GSTCD: variants seen among roughly 807,000 people sequenced by gnomAD.
GSTCD encodes glutathione S-transferase C-terminal domain-containing protein.
In GSTCD, 44 loss-of-function variants were observed where a neutral mutation model predicts 68.3. That is an observed-to-expected ratio of 0.64 (90% CI 0.51 to 0.83). The LOEUF (loss-of-function observed/expected upper bound fraction) is 0.83, where lower values mean the gene tolerates loss of function less well. Among genes scored for constraint, GSTCD ranks in the 40% least tolerant of loss-of-function variants. GSTCD has a pLI of 0.00. For synonymous variants in GSTCD, 273 were observed against 255.2 expected (o/e 1.07, Z -0.67); for missense variants, 739 against 735.9 (o/e 1.00, Z -0.05).
intron 5 of GSTCD, among the ~76,000 whole-genome samples, chr4:105,774,430 A>C (rs1734975127): frequency 6.6e-6 from 1 of 152,178 alleles, no homozygotes. Flanking sequence ...TAGTTGATTC[A>C]ATTTCTTCAT....
intron 8 of GSTCD, among the ~76,000 whole-genome samples, chr4:105,829,094 G>A (rs56924509): frequency 0.029 from 4,392 of 150,888 alleles, 188 homozygotes; most frequent in African/African-American, 0.093. Flanking sequence ...CAGAAACCAG[G>A]ATCATTTCCA....
chr4:105,791,456 G>C (rs527518173), intron 5 of GSTCD, among the ~76,000 whole-genome samples: 14 of 151,398 alleles, frequency 9.2e-5, no homozygotes, highest in Non-Finnish European at 1.8e-4. Context: ...TTTGGTTGTT[G>C]ATGAGTAAAA....
At chr4:105,764,541 C>A (rs1340159928) in intron 5 of GSTCD, among the ~76,000 whole-genome samples, 1 of 152,164 alleles carries the variant, frequency 6.6e-6, no homozygotes, top group African/African-American at 2.4e-5. Flanking sequence ...TGCTTTCTGG[C>A]GAGGCTTCTC....
chr4:105,751,525 T>C (rs2149227595), intron 5 of GSTCD, among the ~76,000 whole-genome samples: 1 of 152,312 alleles, frequency 6.6e-6, no homozygotes, highest in South Asian at 2.1e-4. Flanking sequence ...CTTCACAGGT[T>C]GCTATTCCTA....
rs550448804 is a variant in GSTCD, at chr4:105,793,881, T to A, written c.1241-29073T>A. ...GCAGGGCATGCCCATTAAATTATAA[T>A]GTTGTAAAGCTTGAATTCTGGAACA... On this transcript the variant is annotated intron_variant, in intron 5 of 11. Transcript: ENST00000515279. Among the ~76,000 whole-genome samples the A allele has an allele frequency of 5.9e-4, 90 of 152,234 alleles. 3 individuals are homozygous for A. In the South Asian group the frequency reaches 0.018, roughly 30 times the overall value.
chr4:105,802,600 T>C (rs1736151765), intron 5 of GSTCD, among the ~76,000 whole-genome samples: 1 of 152,148 alleles, frequency 6.6e-6, no homozygotes, highest in Non-Finnish European at 1.5e-5. Context: ...CCATATATTC[T>C]GGTCTTGTCT....
chr4:105,822,134 G>A (rs1723324348), intron 5 of GSTCD, among the ~76,000 whole-genome samples: 3 of 151,990 alleles, frequency 2.0e-5, no homozygotes, highest in African/African-American at 7.2e-5. Flanking sequence ...GAATGCACTT[G>A]AAATATGTAC....
chr4:105,718,029 C>T lies in GSTCD; in HGVS notation c.416C>T (p.Ala139Val). ...LLGFKKTCLKACAEVSQWTRL... is the reference protein window; with the variant it reads ...LLGFKKTCLKVCAEVSQWTRL... Reference sequence around the variant, plus strand: ...GGCTTTAAAAAGACTTGCTTGAAAGCCTGTGCTGAAGTAAGTATAATGTCT... The same window carrying T: ...GGCTTTAAAAAGACTTGCTTGAAAGTCTGTGCTGAAGTAAGTATAATGTCT... Residue 139 changes from alanine (A) to valine (V), a missense_variant, in exon 2 of 12, where the codon GCC (alanine) becomes GTC (valine). Coordinates refer to ENST00000515279, the MANE Select transcript of GSTCD (RefSeq NM_001370181.1). 1 of 1,604,224 alleles carries T rather than the reference C, an allele frequency of 6.2e-7. No individual in the cohort carries two copies. The highest frequency in any genetic ancestry group is 8.5e-7 in the Non-Finnish European group (1 of 1,176,284).
intron 5 of GSTCD, among the ~76,000 whole-genome samples, chr4:105,750,352 C>T (rs758918835): frequency 6.7e-6 from 1 of 150,214 alleles, no homozygotes; most frequent in Non-Finnish European, 1.5e-5. Context: ...CCTAGCTACT[C>T]GGGAGGCTGA....
intron 4 of GSTCD, among the ~76,000 whole-genome samples, chr4:105,727,655 C>T (rs1733085681): frequency 6.7e-6 from 1 of 149,430 alleles, no homozygotes; most frequent in African/African-American, 2.5e-5. Context: ...GTTTTTGTTA[C>T]ATAAAAGCCT....
intron 5 of GSTCD, among the ~76,000 whole-genome samples, chr4:105,816,686 C>T (rs187048842): frequency 1.1e-4 from 16 of 152,076 alleles, no homozygotes; most frequent in African/African-American, 3.6e-4. Flanking sequence ...CTTGAACGCA[C>T]GCATATGAAA....
chr4:105,832,648 C>A (rs1723943044), intron 8 of GSTCD, among the ~76,000 whole-genome samples: 1 of 152,128 alleles, frequency 6.6e-6, no homozygotes, highest in Non-Finnish European at 1.5e-5. Context: ...TTCTTAATTT[C>A]CCAAGACTTC....
chr4:105,721,456 C>G (rs2149206947), intron 3 of GSTCD, among the ~76,000 whole-genome samples: 1 of 152,196 alleles, frequency 6.6e-6, no homozygotes, highest in East Asian at 1.9e-4. Flanking sequence ...AAACATAAAA[C>G]TGAATCTAGG....
chr4:105,823,618 G>T (rs1723424678), intron 7 of GSTCD: 1 of 162,234 alleles, frequency 6.2e-6, no homozygotes, highest in South Asian at 1.9e-4. Context: ...GAAACTTGCT[G>T]AGCATATTCT....
chr4:105,811,222 G>A (rs1289144348), intron 5 of GSTCD, among the ~76,000 whole-genome samples: 1 of 151,908 alleles, frequency 6.6e-6, no homozygotes, highest in East Asian at 1.9e-4. Context: ...GCTACCTGAT[G>A]GTAGAACTCA....
chr4:105,713,790 C>A (rs1445268156), intron 1 of GSTCD, among the ~76,000 whole-genome samples: 1 of 151,640 alleles, frequency 6.6e-6, no homozygotes, highest in Non-Finnish European at 1.5e-5. Flanking sequence ...ACAGGTTAAT[C>A]ATTTGCAGCA....
chr4:105,799,687 A>C (rs1736031493), intron 5 of GSTCD, among the ~76,000 whole-genome samples: 1 of 152,086 alleles, frequency 6.6e-6, no homozygotes, highest in Admixed American at 6.5e-5. Flanking sequence ...CTTATCACAG[A>C]TCTCCATAAC....
At chr4:105,817,901 A>C (rs1258913128) in intron 5 of GSTCD, among the ~76,000 whole-genome samples, 2 of 151,906 alleles carry the variant, frequency 1.3e-5, no homozygotes, top group Non-Finnish European at 2.9e-5. Context: ...CATAGCATCG[A>C]TATCTAACGC....
rs79057085 is a variant in GSTCD at position 105,826,589 on chromosome 4, C to T, written c.1530+789C>T. The stretch of plus-strand genomic sequence containing the variant: ...ATCTTTAGTTTTTTATATTTATGCA[C>T]GCATATAAATGCATATTTTACACAT... On this transcript the variant is annotated intron_variant, in intron 8 of 11. Coordinates refer to ENST00000515279, the MANE Select transcript of GSTCD (RefSeq NM_001370181.1). Among the ~76,000 whole-genome samples the T allele has an allele frequency of 8.4e-3, 1,271 of 152,080 alleles. 10 individuals are homozygous for T. The highest frequency in any genetic ancestry group is 0.027 in the Middle Eastern group (8 of 294).
Sources: gnomAD v4.1 joint callset for allele counts (sites outside exome capture counted in the v4.1 genomes callset) on GRCh38, gnomAD v4.1.1 for gene constraint, MANE v1.5 for transcripts, NCBI Gene and HGNC (gene_info 2026-07-23, HGNC 2026-07-21) for gene names.